The following NTN4 variants were observed in gnomAD, a reference collection of about 807,000 sequenced individuals.
The protein encoded by NTN4 is netrin-4.
Under a neutral mutation model 73.6 loss-of-function variants are expected in NTN4, and 32 were observed. The ratio of observed to expected loss-of-function variants is 0.44; its 90% CI spans 0.33 to 0.58. The LOEUF (loss-of-function observed/expected upper bound fraction) is 0.58, where lower values mean the gene tolerates loss of function less well. Among genes scored for constraint, NTN4 ranks in the 20% least tolerant of loss-of-function variants. The pLI is 0.04. For missense variants in NTN4, 654 were observed against 798.3 expected (o/e 0.82, Z 2.18); for synonymous variants, 258 against 287.5 (o/e 0.90, Z 1.04).
intron 7 of NTN4, 92 bp from the exon 8 acceptor site, chr12:95,670,238 C>T (rs113552294): frequency 2.9e-6 from 2 of 681,116 alleles, no homozygotes; most frequent in Non-Finnish European, 5.0e-6. Context: ...ATAACACATC[C>T]CTTAAGCCTT....
chr12:95,702,857 G>GTTTTTT (rs2078495554), intron 5 of NTN4, among the ~76,000 whole-genome samples: 1 of 75,514 alleles, frequency 1.3e-5, no homozygotes, highest in African/African-American at 4.0e-5. Context: ...TTTTTTTTTT[G>GTTTTTT]GTTTTTTTTT....
At position 95,710,200 on chromosome 12, in the gene NTN4, T is replaced by C. The variant is rs1453554331; in HGVS notation, c.1180+241A>G. Among the ~76,000 whole-genome samples, 5 of 152,332 alleles carry C rather than the reference T, an allele frequency of 3.3e-5. No homozygotes were observed. In the South Asian group the frequency reaches 6.2e-4, roughly 19 times the overall value. The stretch of plus-strand genomic sequence containing the variant: ...TCCTGTTTACCAAAATGCAGTGCTA[T>C]AGGAAATAATTTTACTTTATGGAGA... On this transcript the variant is annotated intron_variant, in intron 5 of 9. Coordinates refer to ENST00000343702, the MANE Select transcript of NTN4 (RefSeq NM_021229.4).
chr12:95,711,597 C>A (rs1216490473), intron 4 of NTN4, among the ~76,000 whole-genome samples: 1 of 152,220 alleles, frequency 6.6e-6, no homozygotes, highest in East Asian at 1.9e-4. Flanking sequence ...AAAGTATATT[C>A]TTCAGCTGTT....
At position 95,774,074 on chromosome 12, in the gene NTN4, T is replaced by C. The variant is rs118039032; in HGVS notation, c.585+12865A>G. Among the ~76,000 whole-genome samples, 993 of 152,274 alleles carry C rather than the reference T, an allele frequency of 6.5e-3. 6 individuals carry two copies. The highest frequency in any genetic ancestry group is 0.011 in the Non-Finnish European group (751 of 68,030). ...ATCTAATGTAAAAGCAGTAACTTTA[T>C]TATGCAAAGTGCATACCACCATATT... On this transcript the variant is annotated intron_variant, in intron 2 of 9. Coordinates refer to ENST00000343702, the MANE Select transcript of NTN4 (RefSeq NM_021229.4).
intron 2 of NTN4, among the ~76,000 whole-genome samples, chr12:95,743,055 A>C (rs2078837821): frequency 6.6e-6 from 1 of 152,240 alleles, no homozygotes; most frequent in African/African-American, 2.4e-5. Context: ...CTTCAGTAGC[A>C]CACAAGATCT....
chr12:95,674,727 T>G (rs1387491206), intron 7 of NTN4, among the ~76,000 whole-genome samples: 1 of 152,188 alleles, frequency 6.6e-6, no homozygotes, highest in Admixed American at 6.5e-5. Context: ...TTAGAACACT[T>G]GTTGAAAAAG....
rs188069864 is a variant in NTN4, at chr12:95,761,361, C to T, written c.586-23217G>A. Among the ~76,000 whole-genome samples, 4 of 135,334 alleles carry T rather than the reference C, an allele frequency of 3.0e-5. No homozygotes were observed. The Admixed American group carries it at 4.1e-4, about 14-fold the overall frequency. 88.8% of individuals were successfully genotyped at this position (135,334 alleles called of 152,430 possible). A position where few individuals can be genotyped will look rare whatever the true frequency, so the allele number is the denominator to read the frequency against. ...TTTTTCCCCAAGACGGAGTCTCGCTCTGTCTCCCAGGCTGGATAGAGTGCA... is the reference window on the plus strand; with the variant it reads ...TTTTTCCCCAAGACGGAGTCTCGCTTTGTCTCCCAGGCTGGATAGAGTGCA... On this transcript the variant is annotated intron_variant, in intron 2 of 9. Coordinates refer to ENST00000343702, the MANE Select transcript of NTN4 (RefSeq NM_021229.4).
chr12:95,769,530 G>A (rs1020892632), intron 2 of NTN4, among the ~76,000 whole-genome samples: 102 of 143,204 alleles, frequency 7.1e-4, no homozygotes, highest in African/African-American at 2.6e-3. Flanking sequence ...GCAGCCAGTG[G>A]TGGAAGAAGA....
chr12:95,696,261 G>A (rs1273288450), intron 5 of NTN4, among the ~76,000 whole-genome samples: 1 of 151,664 alleles, frequency 6.6e-6, no homozygotes, highest in Admixed American at 6.6e-5. Flanking sequence ...ATATTTACTT[G>A]GGTAAATTTA....
At chr12:95,782,621 T>C (rs1006625402) in intron 2 of NTN4, among the ~76,000 whole-genome samples, 4 of 152,196 alleles carry the variant, frequency 2.6e-5, no homozygotes, top group Non-Finnish European at 5.9e-5. Flanking sequence ...AAAGATTACT[T>C]TGAGACCCAG....
intron 2 of NTN4, among the ~76,000 whole-genome samples, chr12:95,750,896 C>T (rs1457442391): frequency 6.6e-6 from 1 of 152,218 alleles, no homozygotes; most frequent in Non-Finnish European, 1.5e-5. Flanking sequence ...ACTAGCCCTC[C>T]CCCACCTGCC....
chr12:95,784,000 G>A (rs1055291666), intron 2 of NTN4, among the ~76,000 whole-genome samples: 1 of 152,086 alleles, frequency 6.6e-6, no homozygotes, highest in African/African-American at 2.4e-5. Flanking sequence ...AATTGAGTCT[G>A]GCATATATTT....
intron 9 of NTN4, among the ~76,000 whole-genome samples, chr12:95,662,279 G>A (rs2078145091): frequency 7.7e-6 from 1 of 129,492 alleles, no homozygotes; most frequent in Non-Finnish European, 1.5e-5. Context: ...CACCCAGGCT[G>A]ACGTGCAGTG....
intron 2 of NTN4, among the ~76,000 whole-genome samples, chr12:95,743,549 T>G (rs2078841309): frequency 6.6e-6 from 1 of 152,222 alleles, no homozygotes; most frequent in South Asian, 2.1e-4. Flanking sequence ...TGTTTTCATT[T>G]CCATTCAATT....
intron 2 of NTN4, among the ~76,000 whole-genome samples, chr12:95,783,615 T>G (rs1186347415): frequency 6.6e-6 from 1 of 152,216 alleles, no homozygotes; most frequent in Non-Finnish European, 1.5e-5. Context: ...AACTTGATTT[T>G]ATGGAACAAA....
intron 7 of NTN4, among the ~76,000 whole-genome samples, chr12:95,680,827 C>G (rs1031068766): frequency 2.6e-5 from 4 of 152,184 alleles, no homozygotes; most frequent in African/African-American, 9.7e-5. Flanking sequence ...GATCCTCCTG[C>G]TTAAGCCTCC....
At chr12:95,687,013 C>T (rs1448514001) in intron 5 of NTN4, among the ~76,000 whole-genome samples, 6 of 152,212 alleles carry the variant, frequency 3.9e-5, no homozygotes, top group Admixed American at 3.3e-4. Context: ...TCTCTGATGC[C>T]TCAGTGCTCC....
At position 95,710,628 on chromosome 12, in the gene NTN4, G is replaced by T; in HGVS notation, c.993C>A (p.Thr331=). 6.2e-7 allele frequency: 1 copy of T among 1,610,574 alleles called. No homozygotes were observed. The highest frequency in any genetic ancestry group is 8.5e-7 in the Non-Finnish European group (1 of 1,177,814). Residue 331 remains threonine (T), a splice_region_variant and synonymous_variant, in exon 5 of 10, where the codon ACC becomes ACA. Transcript: ENST00000343702. ...GKTGAPNECR[T]CKCNGHADTC... The stretch of plus-strand genomic sequence containing the variant: ...TATCAGCATGCCCATTACACTTGCA[G>T]GCTGGAAATAAGAAGCGTGGAGAGA...
intron 2 of NTN4, among the ~76,000 whole-genome samples, chr12:95,770,997 T>TTTTTC (rs2079054242): frequency 8.8e-6 from 1 of 113,716 alleles, no homozygotes; most frequent in Admixed American, 8.0e-5. Context: ...AATTTGTTTT[T>TTTTTC]TTTTTTTTTT....
Sources: gnomAD v4.1 joint callset for allele counts (sites outside exome capture counted in the v4.1 genomes callset) on GRCh38, gnomAD v4.1.1 for gene constraint, MANE v1.5 for transcripts, NCBI Gene and HGNC (gene_info 2026-07-23, HGNC 2026-07-21) for gene names.